TNR: variants seen among roughly 807,000 people sequenced by gnomAD.
The protein encoded by TNR is tenascin R, also known as tenascin-R.
TNR carries 45 observed loss-of-function variants against 150.4 expected under a neutral mutation model. The observed-to-expected ratio is 0.30, with a 90% CI of 0.24 to 0.38. TNR has a LOEUF of 0.38. TNR is among the 10% of genes least tolerant of loss of function. TNR has a pLI of 1.00. For synonymous variants in TNR, 687 were observed against 678.4 expected (o/e 1.01, Z -0.20); for missense variants, 1,544 against 1,759.1 (o/e 0.88, Z 2.19).
chr1:175,515,840 C>A (rs1312889486), intron 2 of TNR, among the ~76,000 whole-genome samples: 2 of 152,174 alleles, frequency 1.3e-5, no homozygotes, highest in African/African-American at 4.8e-5. Context: ...AAAGACTCAC[C>A]TTAGGACTAA....
At chr1:175,657,472 T>G (rs1665216557) in intron 1 of TNR, among the ~76,000 whole-genome samples, 1 of 152,080 alleles carries the variant, frequency 6.6e-6, no homozygotes, top group Admixed American at 6.6e-5. Context: ...CATGCACACG[T>G]ATGTTTATTG....
At chr1:175,552,787 G>A (rs573365051) in intron 1 of TNR, among the ~76,000 whole-genome samples, 12 of 152,134 alleles carry the variant, frequency 7.9e-5, no homozygotes, top group African/African-American at 2.4e-4. Context: ...AATTACTCCC[G>A]TTCTGACTTT....
chr1:175,447,993 C>G (rs1392275146), intron 2 of TNR, among the ~76,000 whole-genome samples: 2 of 152,168 alleles, frequency 1.3e-5, no homozygotes, highest in Admixed American at 6.5e-5. Context: ...CTATCAGTGT[C>G]ACGCTGCTCA....
At chr1:175,391,537 TG>T in intron 6 of TNR, 99 bp from the exon 7 acceptor site, 1 of 1,369,148 alleles carries the variant, frequency 7.3e-7, no homozygotes, top group Non-Finnish European at 9.9e-7. Context: ...TTGTGGATTG[TG>T]AATTTAAAAT....
chr1:175,362,915 C>A, intron 13 of TNR, 106 bp from the exon 14 acceptor site: 1 of 1,370,954 alleles, frequency 7.3e-7, no homozygotes, highest in Non-Finnish European at 1.0e-6. Flanking sequence ...GGACTCCGCA[C>A]TCAGTGGGGA....
At chr1:175,393,654 C>T in intron 6 of TNR, 126 bp downstream of exon 6, 2 of 775,072 alleles carry the variant, frequency 2.6e-6, no homozygotes, top group Non-Finnish European at 4.6e-6. Context: ...CACAACATGC[C>T]ATTTTGTGTC....
intron 1 of TNR, among the ~76,000 whole-genome samples, chr1:175,722,168 C>A (rs1192891659): frequency 6.6e-6 from 1 of 152,070 alleles, no homozygotes; most frequent in Non-Finnish European, 1.5e-5. Flanking sequence ...CCCTCCCTGG[C>A]CATGGAGGGT....
chr1:175,588,365 T>C (rs1662662763), intron 1 of TNR, among the ~76,000 whole-genome samples: 1 of 152,238 alleles, frequency 6.6e-6, no homozygotes, highest in Non-Finnish European at 1.5e-5. Context: ...CATGTGTCTT[T>C]ACACCTTGGG....
intron 2 of TNR, among the ~76,000 whole-genome samples, chr1:175,421,613 G>A (rs1281979991): frequency 6.6e-6 from 1 of 152,196 alleles, no homozygotes; most frequent in Non-Finnish European, 1.5e-5. Flanking sequence ...AATGTGTCTA[G>A]AATGATCCAA....
chr1:175,425,228 C>T (rs1205496085), intron 2 of TNR, among the ~76,000 whole-genome samples: 2 of 152,134 alleles, frequency 1.3e-5, no homozygotes, highest in Admixed American at 1.3e-4. Flanking sequence ...AGAGGAGGCA[C>T]TCAACAGAAT....
intron 1 of TNR, among the ~76,000 whole-genome samples, chr1:175,673,376 T>G (rs969110279): frequency 1.3e-5 from 2 of 152,128 alleles, no homozygotes; most frequent in Non-Finnish European, 2.9e-5. Flanking sequence ...GATCCTGCCC[T>G]TCAGGGGTTT....
rs80336128 is a variant in TNR, at chr1:175,678,163, C to T, written c.-165+65063G>A. ...TACACAAAATTTCCCATTTCTTACC[C>T]TCAGCCATCCTAGAAACAGCATCCC... On this transcript the variant is annotated intron_variant, in intron 1 of 22. Transcript: ENST00000367674. 9.8e-5 allele frequency among the ~76,000 whole-genome samples: 15 copies of T among 152,318 alleles called. No homozygotes were observed. The East Asian group carries it at 2.9e-3, about 29-fold the overall frequency.
At chr1:175,649,841 C>G (rs1057016806) in intron 1 of TNR, among the ~76,000 whole-genome samples, 2 of 152,168 alleles carry the variant, frequency 1.3e-5, no homozygotes, top group African/African-American at 2.4e-5. Flanking sequence ...ACTTCTCTAC[C>G]TGGGGCTCCT....
rs1651817789 is a variant in TNR at position 175,365,903 on chromosome 1, G to A, written c.2289C>T (p.Ser763=). Residue 763 remains serine, a synonymous_variant, in exon 11 of 23, where the codon AGC becomes AGT. Coordinates refer to ENST00000367674, the MANE Select transcript of TNR (RefSeq NM_003285.3). ...SVTAERGRQQ[S]LESTVDAFTG... is the part of the protein sequence containing the mutation. ...TGAAAGCATCCACAGTGGACTCCAAGCTCTGCTGCCGACCCCTCTCAGCAG... is the reference window on the plus strand; with the variant it reads ...TGAAAGCATCCACAGTGGACTCCAAACTCTGCTGCCGACCCCTCTCAGCAG... 1 of 1,614,106 alleles carries A rather than the reference G, an allele frequency of 6.2e-7. No homozygotes were observed. Among genetic ancestry groups the A allele is most frequent in the Non-Finnish European group, 8.5e-7 (1 of 1,179,970 alleles).
intron 1 of TNR, among the ~76,000 whole-genome samples, chr1:175,725,000 A>G (rs1460543909): frequency 6.6e-6 from 1 of 152,146 alleles, no homozygotes; most frequent in African/African-American, 2.4e-5. Context: ...CTAGAGAGAG[A>G]AACAGGGACT....
intron 2 of TNR, among the ~76,000 whole-genome samples, chr1:175,445,823 C>G (rs967701990): frequency 6.6e-6 from 1 of 152,188 alleles, no homozygotes; most frequent in Non-Finnish European, 1.5e-5. Context: ...TACGTTGTAT[C>G]TGTTTTCATT....
chr1:175,377,996 T>C (rs6697539), intron 9 of TNR, among the ~76,000 whole-genome samples: 145,835 of 152,154 alleles, frequency 0.96, 69,939 homozygotes, highest in East Asian at 1. Flanking sequence ...GGGTCTCACA[T>C]TCCCAGGGGA....
chr1:175,709,292 T>TACACACAC (rs1558084753), intron 1 of TNR, among the ~76,000 whole-genome samples: 3 of 133,682 alleles, frequency 2.2e-5, no homozygotes, highest in African/African-American at 8.9e-5. Flanking sequence ...CTCCCTTGCT[T>TACACACAC]TCACACACAC....
intron 1 of TNR, among the ~76,000 whole-genome samples, chr1:175,645,228 A>G (rs532569636): frequency 6.6e-5 from 10 of 152,356 alleles, no homozygotes; most frequent in African/African-American, 1.4e-4. Context: ...TAATCAACAT[A>G]CAATAAAACA....
Sources: allele counts gnomAD v4.1 joint callset (sites outside exome capture counted in the v4.1 genomes callset), GRCh38; gene constraint gnomAD v4.1.1; transcripts MANE v1.5; gene names NCBI Gene and HGNC (gene_info 2026-07-23, HGNC 2026-07-21).